DNAJB6: variants seen among roughly 807,000 people sequenced by gnomAD.
DNAJB6 encodes DnaJ heat shock protein family (Hsp40) member B6.
A neutral mutation model predicts 42.7 loss-of-function variants in DNAJB6; 16 were observed. That is an observed-to-expected ratio of 0.37 (90% confidence interval 0.25 to 0.57). DNAJB6 has a LOEUF of 0.57. DNAJB6 is among the 20% of genes least tolerant of loss of function. The probability of loss-of-function intolerance (pLI) is 0.74; values close to 1 mark genes in which losing one functional copy is unlikely to be tolerated. For synonymous variants in DNAJB6, 170 were observed against 163.5 expected (o/e 1.04, Z -0.30); for missense variants, 347 against 416.8 (o/e 0.83, Z 1.46).
At chr7:157,374,460 T>A (rs557811050) in intron 5 of DNAJB6, among the ~76,000 whole-genome samples, 1 of 152,104 alleles carries the variant, frequency 6.6e-6, no homozygotes, top group Non-Finnish European at 1.5e-5. Context: ...GGTTTCTTCA[T>A]GTTGGTCAGG....
At chr7:157,393,342 C>T (rs1801437897) in intron 8 of DNAJB6, among the ~76,000 whole-genome samples, 1 of 152,114 alleles carries the variant, frequency 6.6e-6, no homozygotes, top group Non-Finnish European at 1.5e-5. Flanking sequence ...TATAAATTTT[C>T]TAATTTTTAC....
intron 1 of DNAJB6, among the ~76,000 whole-genome samples, chr7:157,355,815 C>G (rs560951547): frequency 6.6e-6 from 1 of 152,142 alleles, no homozygotes; most frequent in Non-Finnish European, 1.5e-5. Context: ...GCATGAATAC[C>G]GAGTGCTGTT....
chr7:157,354,332 A>T (rs959743154), intron 1 of DNAJB6, among the ~76,000 whole-genome samples: 1 of 151,852 alleles, frequency 6.6e-6, no homozygotes, highest in African/African-American at 2.4e-5. Flanking sequence ...TTTTTAGTAG[A>T]GACAAGGTTG....
chr7:157,375,362 T>C (rs1000678781), intron 5 of DNAJB6, among the ~76,000 whole-genome samples: 1 of 152,214 alleles, frequency 6.6e-6, no homozygotes, highest in Non-Finnish European at 1.5e-5. Context: ...TCATGTTGGC[T>C]CTTTTGTATT....
chr7:157,341,254 A>G (rs1276102100), intron 1 of DNAJB6, among the ~76,000 whole-genome samples: 2 of 151,956 alleles, frequency 1.3e-5, no homozygotes, highest in African/African-American at 4.8e-5. Flanking sequence ...CCTCCCGAGT[A>G]GCTGTGATTA....
At chr7:157,397,841 T>G (rs992333295) in intron 8 of DNAJB6, among the ~76,000 whole-genome samples, 1 of 152,238 alleles carries the variant, frequency 6.6e-6, no homozygotes, top group Non-Finnish European at 1.5e-5. Flanking sequence ...CAAAAGCAAG[T>G]CACTGTCCTG....
At position 157,394,834 on chromosome 7, in the gene DNAJB6, C is replaced by T. The variant is rs578109074; in HGVS notation, c.691+9223C>T. 1.2e-3 allele frequency among the ~76,000 whole-genome samples: 182 copies of T among 152,318 alleles called. 2 individuals are homozygous for T. The South Asian group carries it at 0.02, about 16-fold the overall frequency. ...AAAGTGGGCCAGACGTGGTGGCTTA[C>T]GCCTGTAATTCCAGCACTTTGGGAG... On this transcript the variant is annotated intron_variant, in intron 8 of 9. Transcript: ENST00000262177.
intron 1 of DNAJB6, among the ~76,000 whole-genome samples, chr7:157,344,400 G>C (rs966379986): frequency 6.6e-6 from 1 of 151,624 alleles, no homozygotes; most frequent in African/African-American, 2.4e-5. Context: ...GTAGTCCCAG[G>C]TACTCGGGAG....
intron 2 of DNAJB6, among the ~76,000 whole-genome samples, chr7:157,361,930 G>A (rs1304311055): frequency 6.6e-6 from 1 of 151,932 alleles, no homozygotes; most frequent in Non-Finnish European, 1.5e-5. Context: ...CTTCATGTCC[G>A]GCTTTTTGTA....
At chr7:157,368,407 C>G (rs1464320204) in intron 5 of DNAJB6, among the ~76,000 whole-genome samples, 1 of 152,172 alleles carries the variant, frequency 6.6e-6, no homozygotes, top group Non-Finnish European at 1.5e-5. Flanking sequence ...GACCTTTCAT[C>G]CGTAAACATT....
intron 8 of DNAJB6, among the ~76,000 whole-genome samples, chr7:157,404,221 A>G (rs981736889): frequency 4.6e-5 from 7 of 150,876 alleles, no homozygotes; most frequent in Non-Finnish European, 1.5e-5. Context: ...TTTAGCCTCC[A>G]CTTTAGCCTC....
intron 1 of DNAJB6, among the ~76,000 whole-genome samples, chr7:157,338,623 C>T (rs947670422): frequency 6.6e-6 from 1 of 152,046 alleles, no homozygotes. Context: ...CGCGAGCCAC[C>T]GCGCCTCGCC....
intron 8 of DNAJB6, 95 bp from the exon 9 acceptor site, chr7:157,409,700 G>C: frequency 2.2e-6 from 3 of 1,347,906 alleles, no homozygotes; most frequent in Non-Finnish European, 3.0e-6. Flanking sequence ...TCTGGATTCA[G>C]GGAGATCGTG....
At chr7:157,344,390 G>A (rs1021947717) in intron 1 of DNAJB6, among the ~76,000 whole-genome samples, 2 of 151,640 alleles carry the variant, frequency 1.3e-5, no homozygotes, top group Non-Finnish European at 2.9e-5. Flanking sequence ...GGACACACCT[G>A]TAGTCCCAGG....
At position 157,350,877 on chromosome 7, in the gene DNAJB6, TTC is replaced by T. The variant is rs1312073873; in HGVS notation, c.-26-7668_-26-7667del. Among the ~76,000 whole-genome samples the T allele has an allele frequency of 2.0e-5, 3 of 151,708 alleles. No homozygotes were observed. In the South Asian group the frequency reaches 6.2e-4, roughly 32 times the overall value. On this transcript the variant is annotated intron_variant, in intron 1 of 9. Transcript: ENST00000262177. ...CTGGCCAGAGACAACAACTTTTTAA[TTC>T]TGAGATTCTGTGGTAGCATATGCCA...
chr7:157,414,331 C>T (rs1417139678), intron 9 of DNAJB6: 2 of 152,292 alleles, frequency 1.3e-5, no homozygotes, highest in African/African-American at 4.8e-5. Context: ...CTCTGAGGGA[C>T]ACGGCCTCCA....
At chr7:157,361,254 G>A (rs1799574329) in intron 2 of DNAJB6, among the ~76,000 whole-genome samples, 1 of 151,692 alleles carries the variant, frequency 6.6e-6, no homozygotes, top group Non-Finnish European at 1.5e-5. Context: ...TGCCTCCCAG[G>A]TTCAGGCGAT....
At chr7:157,384,662 G>C (rs1428448903) in intron 6 of DNAJB6, among the ~76,000 whole-genome samples, 1 of 152,190 alleles carries the variant, frequency 6.6e-6, no homozygotes, top group Non-Finnish European at 1.5e-5. Context: ...CGTTGCCCTA[G>C]AGTCCCCACT....
chr7:157,361,994 G>C (rs1283705391), intron 2 of DNAJB6, among the ~76,000 whole-genome samples: 1 of 152,272 alleles, frequency 6.6e-6, no homozygotes, highest in East Asian at 1.9e-4. Flanking sequence ...TCGAACTCCT[G>C]ACCTCAGGTG....
Sources: gnomAD v4.1 joint callset for allele counts (sites outside exome capture counted in the v4.1 genomes callset) on GRCh38, gnomAD v4.1.1 for gene constraint, MANE v1.5 for transcripts, NCBI Gene and HGNC (gene_info 2026-07-23, HGNC 2026-07-21) for gene names.